The following RBFOX1 variants were observed in gnomAD, a reference collection of about 807,000 sequenced individuals.
RBFOX1 encodes RNA binding fox-1 homolog 1.
Under a neutral mutation model 57.7 loss-of-function variants are expected in RBFOX1, and 8 were observed. The observed-to-expected ratio is 0.14, with a 90% CI of 0.08 to 0.25. The LOEUF (loss-of-function observed/expected upper bound fraction) is 0.25. Among genes scored for constraint, RBFOX1 ranks in the 10% least tolerant of loss-of-function variants. The probability of loss-of-function intolerance (pLI) is 1.00; values close to 1 mark genes in which losing one functional copy is unlikely to be tolerated. For synonymous variants in RBFOX1, 326 were observed against 222.4 expected (o/e 1.47, Z -4.15); for missense variants, 611 against 548.5 (o/e 1.11, Z -1.14).
intron 3 of RBFOX1, among the ~76,000 whole-genome samples, chr16:5,733,167 C>G (rs550854641): frequency 6.6e-6 from 1 of 152,314 alleles, no homozygotes; most frequent in South Asian, 2.1e-4. Flanking sequence ...GTTGTAGTTG[C>G]TGAGCCTAAA....
chr16:5,892,471 T>C (rs534908733), intron 4 of RBFOX1, among the ~76,000 whole-genome samples: 50 of 152,256 alleles, frequency 3.3e-4, no homozygotes, highest in African/African-American at 1.2e-3. Context: ...GTTAAGTGAG[T>C]TACTGCTTAT....
At chr16:7,306,820 G>A (rs924351001) in intron 4 of RBFOX1, among the ~76,000 whole-genome samples, 1 of 152,108 alleles carries the variant, frequency 6.6e-6, no homozygotes, top group Non-Finnish European at 1.5e-5. Flanking sequence ...CAGACAATCG[G>A]CTGATTAAGA....
chr16:7,202,322 A>G (rs975027905), intron 4 of RBFOX1, among the ~76,000 whole-genome samples: 3 of 151,328 alleles, frequency 2.0e-5, no homozygotes, highest in Admixed American at 2.0e-4. Context: ...AAAGAAGCAC[A>G]GAAAACACGT....
intron 2 of RBFOX1, among the ~76,000 whole-genome samples, chr16:5,565,624 T>TTACATACA (rs201425341): frequency 4.4e-3 from 496 of 111,716 alleles, no homozygotes; most frequent in South Asian, 0.01. Flanking sequence ...AAACTCTGCC[T>TTACATACA]TACATAAATA....
intron 1 of RBFOX1, among the ~76,000 whole-genome samples, chr16:6,108,541 A>G (rs1172553840): frequency 6.6e-6 from 1 of 152,178 alleles, no homozygotes; most frequent in Non-Finnish European, 1.5e-5. Context: ...GTTGGGATGG[A>G]TTAGGAAGCA....
At chr16:6,898,484 C>G (rs1189579772) in intron 3 of RBFOX1, among the ~76,000 whole-genome samples, 1 of 152,114 alleles carries the variant, frequency 6.6e-6, no homozygotes, top group Admixed American at 6.5e-5. Context: ...ATAATTCAGT[C>G]CATAGTAAAG....
chr16:7,344,469 A>G (rs1228136997), intron 4 of RBFOX1, among the ~76,000 whole-genome samples: 4 of 150,508 alleles, frequency 2.7e-5, no homozygotes, highest in African/African-American at 9.7e-5. Flanking sequence ...ATATAAATAT[A>G]TAACTACATA....
chr16:7,580,389 C>A (rs116323079), intron 6 of RBFOX1, among the ~76,000 whole-genome samples: 8 of 152,300 alleles, frequency 5.3e-5, no homozygotes, highest in African/African-American at 1.9e-4. Flanking sequence ...TCAGATGCAT[C>A]AGCAGAGAAC....
At position 6,733,997 on chromosome 16, in the gene RBFOX1, C is replaced by G. The variant is rs888631660; in HGVS notation, c.-16+79347C>G. Among the ~76,000 whole-genome samples, 7 of 152,112 alleles carry G rather than the reference C, an allele frequency of 4.6e-5. No homozygotes were observed. The South Asian group carries it at 1.0e-3, about 23-fold the overall frequency. On this transcript the variant is annotated intron_variant, in intron 3 of 15. Transcript: ENST00000550418. ...GACAAAGTTTATAGGACACAGTGTT[C>G]AGTCCCTGCCACATCATTACAGTTT...
rs151177772 is a variant in RBFOX1, at chr16:6,824,983, G to GTTTTTTTTTTTTTTTTTTTTTTTTTTTT, written c.-16+170337_-16+170364dup. 3.5e-4 allele frequency among the ~76,000 whole-genome samples: 13 copies of GTTTTTTTTTTTTTTTTTTTTTTTTTTTT among 36,910 alleles called. 3 individuals are homozygous for GTTTTTTTTTTTTTTTTTTTTTTTTTTTT. The highest frequency in any genetic ancestry group is 4.7e-4 in the Non-Finnish European group (8 of 16,930). 24.2% of individuals were successfully genotyped at this position (36,910 alleles called of 152,430 possible). A position where few individuals can be genotyped will look rare whatever the true frequency, so the allele number is the denominator to read the frequency against. On this transcript the variant is annotated intron_variant, in intron 3 of 15. Transcript: ENST00000550418. ...GGATTTCTTTTTTCTTTCTTTCTTG[G>GTTTTTTTTTTTTTTTTTTTTTTTTTTTT]TTTTTTTTTTTTTTTTTTTTTTTTT...
intron 3 of RBFOX1, among the ~76,000 whole-genome samples, chr16:5,621,900 A>T (rs1373821873): frequency 6.6e-6 from 1 of 152,180 alleles, no homozygotes; most frequent in Non-Finnish European, 1.5e-5. Flanking sequence ...CCATACCAGG[A>T]AAACATCTTT....
chr16:7,660,393 C>CCTAA (rs1156692703), intron 12 of RBFOX1, among the ~76,000 whole-genome samples: 9 of 152,184 alleles, frequency 5.9e-5, no homozygotes, highest in Admixed American at 1.3e-4. Flanking sequence ...TCCCTTCTCT[C>CCTAA]CTAACTGTTC....
At chr16:6,323,593 C>G (rs1292393885) in intron 2 of RBFOX1, among the ~76,000 whole-genome samples, 1 of 152,172 alleles carries the variant, frequency 6.6e-6, no homozygotes, top group Non-Finnish European at 1.5e-5. Context: ...CGGTGGCAAC[C>G]CCCATACCCC....
chr16:6,588,688 A>AT (rs946985393), intron 2 of RBFOX1, among the ~76,000 whole-genome samples: 2 of 152,126 alleles, frequency 1.3e-5, no homozygotes, highest in African/African-American at 4.8e-5. Flanking sequence ...TCCTCCCTGC[A>AT]TTTTTTGGTC....
Position 5,889,132 on chromosome 16 carries a change from T to A in RBFOX1, c.351+21797T>A, listed in dbSNP as rs142970796. Among the ~76,000 whole-genome samples, 6 of 152,332 alleles carry A rather than the reference T, an allele frequency of 3.9e-5. No homozygotes were observed. In the East Asian group the frequency reaches 1.2e-3, roughly 29 times the overall value. On this transcript the variant is annotated intron_variant, in intron 4 of 19. Transcript: ENST00000641259. ...TAAGTTGTGAGGTCCATGTGTAGGA[T>A]GTGCAGGCTTGTAAATGTGTGCCAT...
At chr16:7,552,704 A>G (rs1384670558) in intron 5 of RBFOX1, among the ~76,000 whole-genome samples, 2 of 152,040 alleles carry the variant, frequency 1.3e-5, no homozygotes, top group Admixed American at 6.6e-5. Context: ...TTTTTTTGCA[A>G]TGGAGTGTTA....
chr16:6,125,490 T>C (rs1026256444), intron 1 of RBFOX1, among the ~76,000 whole-genome samples: 2 of 152,140 alleles, frequency 1.3e-5, no homozygotes, highest in East Asian at 3.9e-4. Flanking sequence ...TCTTTGATGT[T>C]TTACAAGGGG....
At chr16:7,672,340 T>C (rs541572349) in intron 13 of RBFOX1, among the ~76,000 whole-genome samples, 5 of 152,316 alleles carry the variant, frequency 3.3e-5, no homozygotes, top group African/African-American at 7.2e-5. Context: ...GTGAGAGTTG[T>C]AGGACATTAC....
chr16:5,957,934 G>A (rs888927379), intron 4 of RBFOX1, among the ~76,000 whole-genome samples: 7 of 151,964 alleles, frequency 4.6e-5, no homozygotes, highest in African/African-American at 9.7e-5. Context: ...TACTGTACCC[G>A]TTAACCATCC....
Sources: gnomAD v4.1 joint callset for allele counts (sites outside exome capture counted in the v4.1 genomes callset) on GRCh38, gnomAD v4.1.1 for gene constraint, MANE v1.5 for transcripts, NCBI Gene and HGNC (gene_info 2026-07-23, HGNC 2026-07-21) for gene names.